Variants in PLCB1 observed in about 807,000 individuals in gnomAD.
PLCB1 encodes phospholipase C beta 1.
Under a neutral mutation model 161.8 loss-of-function variants are expected in PLCB1, and 46 were observed. That is an observed-to-expected ratio of 0.28 (90% CI 0.22 to 0.36). PLCB1 has a LOEUF of 0.36. Among genes scored for constraint, PLCB1 ranks in the 10% least tolerant of loss-of-function variants. The pLI is 1.00. For missense variants in PLCB1, 1,016 were observed against 1,472.5 expected (o/e 0.69, Z 5.07); for synonymous variants, 517 against 503.7 (o/e 1.03, Z -0.35).
In PLCB1 at chr20:8,728,942, A is replaced by G. The variant is rs1365899876; in HGVS notation, c.1764-108A>G. 1.6e-5 allele frequency: 11 copies of G among 677,588 alleles called. No homozygotes were observed. The Admixed American group carries it at 2.9e-4, about 18-fold the overall frequency. 42.0% of individuals were successfully genotyped at this position (677,588 alleles called of 1,614,324 possible). On this transcript the variant is annotated intron_variant, in intron 17 of 31. Coordinates refer to ENST00000338037, the MANE Select transcript of PLCB1 (RefSeq NM_015192.4). ...CCAAAGTAGCCCAACGAGATCATCA[A>G]TATTTACTTCATTTTCCAAATGGAG...
At chr20:8,314,240 T>C (rs1184961846) in intron 2 of PLCB1, among the ~76,000 whole-genome samples, 2 of 152,214 alleles carry the variant, frequency 1.3e-5, no homozygotes, top group African/African-American at 4.8e-5. Flanking sequence ...CATAGATTAG[T>C]AATGTCTGCC....
At chr20:8,844,021 A>G (rs983346615) in intron 31 of PLCB1, among the ~76,000 whole-genome samples, 2 of 152,234 alleles carry the variant, frequency 1.3e-5, no homozygotes, top group Admixed American at 6.5e-5. Context: ...GTGCCTGCTA[A>G]TTACAATGGC....
chr20:8,527,389 A>G (rs1569604), intron 3 of PLCB1, among the ~76,000 whole-genome samples: 85,630 of 151,888 alleles, frequency 0.56, 25,271 homozygotes, highest in African/African-American at 0.72. Context: ...CTTACAAATG[A>G]AAATAAATAA....
intron 31 of PLCB1, among the ~76,000 whole-genome samples, chr20:8,827,349 A>C (rs183401011): frequency 6.6e-6 from 1 of 152,292 alleles, no homozygotes; most frequent in Admixed American, 6.5e-5. Flanking sequence ...AAATCAAGAC[A>C]TCAACTGTTG....
intron 25 of PLCB1, 44 bp downstream of exon 25, chr20:8,760,504 T>C: frequency 7.5e-7 from 1 of 1,338,084 alleles, no homozygotes; most frequent in Non-Finnish European, 1.1e-6. Context: ...CAGCTCAGTG[T>C]TACACAGTGG....
chr20:8,274,678 T>A (rs550125908), intron 2 of PLCB1, among the ~76,000 whole-genome samples: 36 of 152,290 alleles, frequency 2.4e-4, no homozygotes, highest in Middle Eastern at 3.4e-3. Context: ...TCTATTTTTT[T>A]AATATTTTTA....
intron 3 of PLCB1, among the ~76,000 whole-genome samples, chr20:8,517,720 T>C (rs1225005486): frequency 6.6e-6 from 1 of 152,198 alleles, no homozygotes; most frequent in Admixed American, 6.5e-5. Context: ...AATGAATCTC[T>C]GGATTGGCTA....
chr20:8,519,030 G>T (rs1383176372), intron 3 of PLCB1, among the ~76,000 whole-genome samples: 1 of 152,078 alleles, frequency 6.6e-6, no homozygotes, highest in African/African-American at 2.4e-5. Flanking sequence ...AGGGGGAGCG[G>T]CTGTAAATAC....
chr20:8,311,621 T>C (rs1462687809), intron 2 of PLCB1, among the ~76,000 whole-genome samples: 3 of 152,210 alleles, frequency 2.0e-5, no homozygotes, highest in Non-Finnish European at 4.4e-5. Context: ...AACGTATCAT[T>C]TGTCAGACAT....
At chr20:8,357,196 A>C (rs1986389108) in intron 2 of PLCB1, among the ~76,000 whole-genome samples, 1 of 152,224 alleles carries the variant, frequency 6.6e-6, no homozygotes, top group South Asian at 2.1e-4. Context: ...CAGTTTTTCT[A>C]AACTGTAGAG....
intron 23 of PLCB1, chr20:8,751,087 C>T: frequency 4.7e-6 from 1 of 214,662 alleles, no homozygotes. Context: ...AGGCGCCCAC[C>T]ACCAAGCCCG....
chr20:8,534,564 A>G (rs1207687174), intron 3 of PLCB1, among the ~76,000 whole-genome samples: 5 of 150,852 alleles, frequency 3.3e-5, no homozygotes, highest in Non-Finnish European at 5.9e-5. Flanking sequence ...TCTCTGCCCT[A>G]CCTTGTGGAA....
intron 27 of PLCB1, among the ~76,000 whole-genome samples, chr20:8,782,230 G>A (rs1983277767): frequency 6.6e-6 from 1 of 152,154 alleles, no homozygotes; most frequent in Admixed American, 6.5e-5. Flanking sequence ...AGAGAAGGGA[G>A]CTAGTAGAGA....
chr20:8,243,829 A>G (rs1980735221), intron 2 of PLCB1, among the ~76,000 whole-genome samples: 1 of 151,986 alleles, frequency 6.6e-6, no homozygotes, highest in Non-Finnish European at 1.5e-5. Flanking sequence ...ATGTTTTCTA[A>G]TACCACCAAA....
chr20:8,789,907 T>C (rs1983669144), intron 30 of PLCB1, among the ~76,000 whole-genome samples: 1 of 152,186 alleles, frequency 6.6e-6, no homozygotes, highest in Non-Finnish European at 1.5e-5. Flanking sequence ...CTGTCCTTTT[T>C]TTTTCCAATT....
At chr20:8,317,295 A>T (rs1255597023) in intron 2 of PLCB1, among the ~76,000 whole-genome samples, 2 of 152,184 alleles carry the variant, frequency 1.3e-5, no homozygotes, top group African/African-American at 4.8e-5. Context: ...CTTAAAACAC[A>T]GATTACTGGG....
At chr20:8,605,253 A>G (rs1292350810) in intron 3 of PLCB1, among the ~76,000 whole-genome samples, 1 of 152,284 alleles carries the variant, frequency 6.6e-6, no homozygotes, top group African/African-American at 2.4e-5. Flanking sequence ...AACAAACAGC[A>G]TATTCCATTT....
In PLCB1 at chr20:8,508,555, A is replaced by T. The variant is rs1309492552; in HGVS notation, c.247-119739A>T. Among the ~76,000 whole-genome samples the T allele has an allele frequency of 2.6e-5, 4 of 152,244 alleles. No homozygotes were observed. The South Asian group carries it at 8.3e-4, about 32-fold the overall frequency. ...CAATCTATTGTTTAAACTCTTGTAT[A>T]TGTAATACCGCAGAGGCTAGAGATA... On this transcript the variant is annotated intron_variant, in intron 3 of 31. Coordinates refer to ENST00000338037, the MANE Select transcript of PLCB1 (RefSeq NM_015192.4).
intron 3 of PLCB1, among the ~76,000 whole-genome samples, chr20:8,417,069 A>ATTT (rs1979321086): frequency 4.8e-5 from 4 of 84,072 alleles, no homozygotes; most frequent in Non-Finnish European, 9.5e-5. Flanking sequence ...ATATATATAT[A>ATTT]TATATTTTTT....
Sources: gnomAD v4.1 joint callset for allele counts (sites outside exome capture counted in the v4.1 genomes callset) on GRCh38, gnomAD v4.1.1 for gene constraint, MANE v1.5 for transcripts, NCBI Gene and HGNC (gene_info 2026-07-23, HGNC 2026-07-21) for gene names.